The following CD226 variants were observed in gnomAD, a reference collection of about 807,000 sequenced individuals.
CD226 encodes CD226 molecule, also known as CD226 antigen.
In CD226, 24 loss-of-function variants were observed where a neutral mutation model predicts 34.9. The observed-to-expected ratio is 0.69, with a 90% CI of 0.50 to 0.97. CD226 has a LOEUF of 0.97. Among genes scored for constraint, CD226 ranks in the 50% least tolerant of loss-of-function variants. The pLI, the probability that CD226 is intolerant of heterozygous loss-of-function variation, is 0.00. For synonymous variants in CD226, 148 were observed against 147.4 expected (o/e 1.00, Z -0.03); for missense variants, 397 against 412.7 (o/e 0.96, Z 0.33).
intron 4 of CD226, among the ~76,000 whole-genome samples, chr18:69,871,563 T>A (rs1485457465): frequency 2.0e-5 from 3 of 152,200 alleles, no homozygotes; most frequent in African/African-American, 7.2e-5. Context: ...TTCCAGATGG[T>A]GACATCATGT....
chr18:69,874,021 A>T (rs1445745368), intron 3 of CD226, among the ~76,000 whole-genome samples: 1 of 150,124 alleles, frequency 6.7e-6, no homozygotes, highest in Non-Finnish European at 1.5e-5. Context: ...TGATACAAAA[A>T]ATCAGAAAAA....
intron 3 of CD226, among the ~76,000 whole-genome samples, chr18:69,873,698 C>T (rs1306304464): frequency 2.6e-5 from 4 of 152,008 alleles, no homozygotes; most frequent in Non-Finnish European, 4.4e-5. Context: ...GGTGAAACCC[C>T]GTCTCTACTA....
chr18:69,874,279 T>C (rs1205262740), intron 3 of CD226, among the ~76,000 whole-genome samples: 1 of 152,138 alleles, frequency 6.6e-6, no homozygotes, highest in Non-Finnish European at 1.5e-5. Context: ...CCCTCTGGAG[T>C]GTGAGCCCAG....
intron 2 of CD226, among the ~76,000 whole-genome samples, chr18:69,932,589 A>C (rs1462349387): frequency 1.3e-5 from 2 of 152,168 alleles, no homozygotes; most frequent in Non-Finnish European, 2.9e-5. Context: ...TCCATCCTGC[A>C]ATTCCCAAGC....
At chr18:69,940,320 T>C (rs1044151602) in intron 2 of CD226, among the ~76,000 whole-genome samples, 1 of 152,166 alleles carries the variant, frequency 6.6e-6, no homozygotes, top group African/African-American at 2.4e-5. Flanking sequence ...AGTAAATGAG[T>C]ACAGCAGAGA....
At chr18:69,937,397 C>G (rs1483217937) in intron 2 of CD226, among the ~76,000 whole-genome samples, 1 of 152,122 alleles carries the variant, frequency 6.6e-6, no homozygotes, top group Non-Finnish European at 1.5e-5. Flanking sequence ...TCTCAACATC[C>G]AAATTTTCTG....
At chr18:69,903,462 G>T (rs2055212341) in intron 2 of CD226, among the ~76,000 whole-genome samples, 1 of 152,056 alleles carries the variant, frequency 6.6e-6, no homozygotes, top group African/African-American at 2.4e-5. Flanking sequence ...GCCAAGTTTG[G>T]GGATGTTACA....
chr18:69,892,438 C>G (rs1008096561), intron 3 of CD226, among the ~76,000 whole-genome samples: 1 of 152,090 alleles, frequency 6.6e-6, no homozygotes, highest in Non-Finnish European at 1.5e-5. Flanking sequence ...CCCCTGTGCT[C>G]CCCCCGTCCC....
At chr18:69,957,706 G>A (rs904257197), upstream of CD226, among the ~76,000 whole-genome samples, 2 of 152,082 alleles carry the variant, frequency 1.3e-5, no homozygotes, top group Non-Finnish European at 2.9e-5. Flanking sequence ...CTGGACCACC[G>A]CATATACGAA....
rs34082832 is a variant in CD226, at chr18:69,891,288, T to TAA, written c.727+4411_727+4412dup. On this transcript the variant is annotated intron_variant, in intron 3 of 5. Transcript: ENST00000582621. The stretch of plus-strand genomic sequence containing the variant: ...GACAAATTCAACATCCTTGTGTGAT[T>TAA]AAAAAAAAAAAACTCTCAACAAATT... Among the ~76,000 whole-genome samples, 317 of 146,314 alleles carry TAA rather than the reference T, an allele frequency of 2.2e-3. 1 individual carries two copies. The highest frequency in any genetic ancestry group is 7.2e-3 in the African/African-American group (287 of 40,120).
chr18:69,892,779 A>ATGTG (rs202144708), intron 3 of CD226, among the ~76,000 whole-genome samples: 12 of 151,422 alleles, frequency 7.9e-5, no homozygotes, highest in South Asian at 4.2e-4. Flanking sequence ...CTGTGTGTGC[A>ATGTG]TGTGTGTGTG....
chr18:69,898,408 C>T (rs990801253), intron 2 of CD226, among the ~76,000 whole-genome samples: 5 of 152,158 alleles, frequency 3.3e-5, no homozygotes, highest in Non-Finnish European at 7.4e-5. Context: ...GTCAGGCCCC[C>T]GTGAACCTGC....
intron 3 of CD226, among the ~76,000 whole-genome samples, chr18:69,884,668 A>G (rs1397561961): frequency 2.0e-5 from 3 of 152,232 alleles, no homozygotes; most frequent in Non-Finnish European, 4.4e-5. Flanking sequence ...TCAAGGTGCA[A>G]AAGTACCTCC....
At chr18:69,873,567 G>GA (rs796781661) in intron 3 of CD226, among the ~76,000 whole-genome samples, 235 of 145,870 alleles carry the variant, frequency 1.6e-3, no homozygotes, top group Middle Eastern at 3.5e-3. Flanking sequence ...ACCTTTTGTA[G>GA]AAAAAAAAAA....
At position 69,946,916 on chromosome 18, in the gene CD226, T is replaced by C. The variant is rs964882884; in HGVS notation, c.200A>G (p.His67Arg). ...QDSIAIFSPT[H>R]GMVIRKPYAE... ...ATAGGGCTTCCTTATGACCATGCCA[T>C]GAGTAGGGCTGAAAATGGCTATGGA... is the stretch of plus-strand genomic sequence containing the variant. Residue 67 changes from histidine (H) to arginine (R), a missense_variant, in exon 2 of 6, where the codon CAT becomes CGT. His to Arg is a conservative substitution (Grantham distance 29). Transcript: ENST00000582621. The C allele has an allele frequency of 6.2e-7, 1 of 1,614,008 alleles. No individual in the cohort carries two copies. Among genetic ancestry groups the C allele is most frequent in the Non-Finnish European group, 8.5e-7 (1 of 1,180,018 alleles).
chr18:69,922,355 C>G (rs756140502), intron 2 of CD226, among the ~76,000 whole-genome samples: 3 of 152,178 alleles, frequency 2.0e-5, no homozygotes, highest in African/African-American at 7.2e-5. Context: ...GATCATAGCT[C>G]ACTGCAGCTT....
At chr18:69,931,044 T>A (rs982822023) in intron 2 of CD226, among the ~76,000 whole-genome samples, 1 of 152,208 alleles carries the variant, frequency 6.6e-6, no homozygotes, top group Non-Finnish European at 1.5e-5. Context: ...CATGGAATAC[T>A]ATGCAGCCAT....
intron 2 of CD226, among the ~76,000 whole-genome samples, chr18:69,898,208 G>GA (rs568664495): frequency 2.0e-5 from 3 of 151,994 alleles, no homozygotes; most frequent in East Asian, 1.9e-4. Flanking sequence ...TAAAAGAAAT[G>GA]AAAAAAAGGA....
chr18:69,952,059 T>A (rs945905856), upstream of CD226, among the ~76,000 whole-genome samples: 1 of 152,198 alleles, frequency 6.6e-6, no homozygotes, highest in Non-Finnish European at 1.5e-5. Flanking sequence ...ATAAAGAAAC[T>A]GTGGTATATA....
Sources: gnomAD v4.1 joint callset for allele counts (sites outside exome capture counted in the v4.1 genomes callset) on GRCh38, gnomAD v4.1.1 for gene constraint, MANE v1.5 for transcripts, NCBI Gene and HGNC (gene_info 2026-07-23, HGNC 2026-07-21) for gene names.